The following CNTN4 variants were observed in gnomAD, a reference collection of about 807,000 sequenced individuals.
The protein encoded by CNTN4 is contactin 4.
CNTN4 carries 77 observed loss-of-function variants against 122.5 expected under a neutral mutation model. That is an observed-to-expected ratio of 0.63 (90% CI 0.52 to 0.76). The LOEUF (loss-of-function observed/expected upper bound fraction) is 0.76. Ranked by LOEUF, CNTN4 falls within the 30% of genes least tolerant of loss-of-function variation. CNTN4 has a pLI of 0.00. For synonymous variants in CNTN4, 512 were observed against 447.0 expected, an observed-to-expected ratio of 1.15 and a Z score of -1.83; for missense variants, 1,256 against 1,259.1, an observed-to-expected ratio of 1.00 and a Z score of 0.04.
rs147134818 is a variant in CNTN4, at chr3:2,645,079, G to A, written c.55+73521G>A. ...ATTGGAGAGCTACAGCCAAATTAAC[G>A]AAGACTGGCACACCTTACCTATCTC... On this transcript the variant is annotated intron_variant, in intron 4 of 24. Transcript: ENST00000418658. Among the ~76,000 whole-genome samples the A allele has an allele frequency of 7.2e-5, 11 of 151,990 alleles. No homozygotes were observed. The East Asian group carries it at 1.7e-3, about 24-fold the overall frequency.
chr3:2,284,064 GA>G (rs1448194190), intron 2 of CNTN4, among the ~76,000 whole-genome samples: 1 of 151,956 alleles, frequency 6.6e-6, no homozygotes, highest in African/African-American at 2.4e-5. Flanking sequence ...TTAGCAGAGG[GA>G]AAAAGGAAAG....
In CNTN4 at chr3:2,340,698, T is replaced by TAC. The variant is rs1559468030; in HGVS notation, c.-89+1466_-89+1467insCA. ...TTGTCATAAATTTTATATATATATATATATATATATATAGAGAGAGAGAGA... is the reference window on the plus strand; with the variant it reads ...TTGTCATAAATTTTATATATATATATACATATATATATATAGAGAGAGAGAGA... On this transcript the variant is annotated intron_variant, in intron 3 of 24. Transcript: ENST00000418658. 4.5e-3 allele frequency among the ~76,000 whole-genome samples: 70 copies of TAC among 15,398 alleles called. 1 individual carries two copies. The highest frequency in any genetic ancestry group is 7.2e-3 in the African/African-American group (67 of 9,304). 10.1% of individuals were successfully genotyped at this position (15,398 alleles called of 152,430 possible).
At chr3:2,414,708 G>A (rs1458872580) in intron 3 of CNTN4, among the ~76,000 whole-genome samples, 1 of 152,040 alleles carries the variant, frequency 6.6e-6, no homozygotes, top group Non-Finnish European at 1.5e-5. Flanking sequence ...AGACATTCAA[G>A]GAGTTGATTT....
At chr3:2,470,124 G>C (rs544911941) in intron 3 of CNTN4, among the ~76,000 whole-genome samples, 23 of 151,428 alleles carry the variant, frequency 1.5e-4, no homozygotes, top group Admixed American at 2.6e-4. Context: ...GGAGTGCAGT[G>C]GCAGAATCTC....
chr3:2,169,557 C>A (rs560173496), intron 2 of CNTN4, among the ~76,000 whole-genome samples: 1 of 151,844 alleles, frequency 6.6e-6, no homozygotes, highest in Non-Finnish European at 1.5e-5. Context: ...CAGGCGCCGC[C>A]ACCACGCCCG....
Position 3,053,803 on chromosome 3 carries a change from G to T in CNTN4, c.2812-4G>T, listed in dbSNP as rs1461546928. ...GGTGACACCTGTTCTTTCTGTATTGGCAGGTCTTGTACAGATGGAACAGAC... is the reference window on the plus strand; with the variant it reads ...GGTGACACCTGTTCTTTCTGTATTGTCAGGTCTTGTACAGATGGAACAGAC... On this transcript the variant is annotated splice_region_variant and splice_polypyrimidine_tract_variant and intron_variant, in intron 23 of 24. Transcript: ENST00000418658. 1 of 1,614,076 alleles carries T rather than the reference G, an allele frequency of 6.2e-7. No individual in the cohort carries two copies. Among genetic ancestry groups the T allele is most frequent in the South Asian group, 1.1e-5 (1 of 91,084 alleles).
At chr3:2,635,779 A>T (rs982124150) in intron 4 of CNTN4, among the ~76,000 whole-genome samples, 1 of 152,160 alleles carries the variant, frequency 6.6e-6, no homozygotes, top group African/African-American at 2.4e-5. Context: ...TGACCCTCCC[A>T]GTCTTAAAAC....
chr3:2,769,745 A>G (rs2091006918), intron 6 of CNTN4, among the ~76,000 whole-genome samples: 1 of 152,210 alleles, frequency 6.6e-6, no homozygotes, highest in African/African-American at 2.4e-5. Flanking sequence ...AACAACATAC[A>G]GATGATAGAA....
intron 3 of CNTN4, among the ~76,000 whole-genome samples, chr3:2,459,515 A>G (rs376861479): frequency 1.3e-5 from 2 of 152,158 alleles, no homozygotes; most frequent in South Asian, 2.1e-4. Context: ...AAAGTCATGT[A>G]TGGTATTTCA....
intron 2 of CNTN4, among the ~76,000 whole-genome samples, chr3:2,207,762 A>G (rs1245131001): frequency 2.0e-5 from 3 of 152,128 alleles, no homozygotes; most frequent in Non-Finnish European, 4.4e-5. Flanking sequence ...TTTTCAGTGT[A>G]GATGAAGCAT....
chr3:2,273,979 A>G (rs1010003275), intron 2 of CNTN4, among the ~76,000 whole-genome samples: 4 of 152,008 alleles, frequency 2.6e-5, no homozygotes, highest in Non-Finnish European at 4.4e-5. Flanking sequence ...TCTGCTGGAA[A>G]CTCATTTGAG....
chr3:2,100,020 C>T (rs1203012045), intron 1 of CNTN4, among the ~76,000 whole-genome samples: 1 of 152,190 alleles, frequency 6.6e-6, no homozygotes, highest in Admixed American at 6.5e-5. Flanking sequence ...CGGCTTCGCG[C>T]GTCGGGAAGA....
At chr3:2,499,052 G>C (rs2076527143) in intron 3 of CNTN4, among the ~76,000 whole-genome samples, 1 of 152,160 alleles carries the variant, frequency 6.6e-6, no homozygotes, top group African/African-American at 2.4e-5. Flanking sequence ...GCTTCCCAAA[G>C]TGCTGGGATT....
intron 6 of CNTN4, among the ~76,000 whole-genome samples, chr3:2,770,890 C>T (rs904240822): frequency 3.3e-5 from 5 of 152,198 alleles, no homozygotes; most frequent in African/African-American, 1.2e-4. Context: ...AATGCATATC[C>T]AGGTGATAGT....
chr3:3,029,191 T>C lies in CNTN4; in HGVS notation c.1663-1664T>C, dbSNP rs529231795. Among the ~76,000 whole-genome samples, 7 of 152,340 alleles carry C rather than the reference T, an allele frequency of 4.6e-5. No individual in the cohort carries two copies. In the East Asian group the frequency reaches 1.3e-3, roughly 29 times the overall value. On this transcript the variant is annotated intron_variant, in intron 15 of 24. Transcript: ENST00000418658. ...CAAGTGTTACAAACAAAAGACGTTT[T>C]GGGTTAAAATACCATAGCTTTTCCT...
chr3:2,530,013 C>A (rs2077537618), intron 3 of CNTN4, among the ~76,000 whole-genome samples: 1 of 152,054 alleles, frequency 6.6e-6, no homozygotes, highest in South Asian at 2.1e-4. Flanking sequence ...TTTAGATTTC[C>A]CTCATGTGAT....
chr3:2,532,693 T>G lies in CNTN4; in HGVS notation c.-88-38723T>G, dbSNP rs182137585. On this transcript the variant is annotated intron_variant, in intron 3 of 24. Coordinates refer to ENST00000418658, the MANE Select transcript of CNTN4 (RefSeq NM_175607.3). ...TTTACCAATTATTAGTGAAAACTAT[T>G]GTAAATATTCATTTAAAAACAAGAG... Among the ~76,000 whole-genome samples, 15 of 152,316 alleles carry G rather than the reference T, an allele frequency of 9.8e-5. No homozygotes were observed. The East Asian group carries it at 2.9e-3, about 29-fold the overall frequency.
intron 2 of CNTN4, among the ~76,000 whole-genome samples, chr3:2,314,724 A>C (rs1229529841): frequency 6.6e-6 from 1 of 152,050 alleles, no homozygotes; most frequent in Non-Finnish European, 1.5e-5. Context: ...ATGTAAAAGA[A>C]ATACAATTAC....
At chr3:2,730,538 C>T (rs2088603511) in intron 4 of CNTN4, among the ~76,000 whole-genome samples, 1 of 152,092 alleles carries the variant, frequency 6.6e-6, no homozygotes, top group South Asian at 2.1e-4. Flanking sequence ...TGACTTGGTC[C>T]AGCTCCTAGG....
Sources: gnomAD v4.1 joint callset for allele counts (sites outside exome capture counted in the v4.1 genomes callset) on GRCh38, gnomAD v4.1.1 for gene constraint, MANE v1.5 for transcripts, NCBI Gene and HGNC (gene_info 2026-07-23, HGNC 2026-07-21) for gene names.